RBFOX1: variants seen among roughly 807,000 people sequenced by gnomAD.
The protein encoded by RBFOX1 is RNA binding fox-1 homolog 1, also known as RNA binding protein fox-1 homolog 1.
In RBFOX1, 8 loss-of-function variants were observed where a neutral mutation model predicts 57.7. That is an observed-to-expected ratio of 0.14 (90% CI 0.08 to 0.25). The LOEUF (loss-of-function observed/expected upper bound fraction) is 0.25. RBFOX1 is among the 10% of genes least tolerant of loss of function. The probability of loss-of-function intolerance (pLI) is 1.00; values close to 1 mark genes in which losing one functional copy is unlikely to be tolerated. For synonymous variants in RBFOX1, 326 were observed against 222.4 expected (o/e 1.47, Z -4.15); for missense variants, 611 against 548.5 (o/e 1.11, Z -1.14).
chr16:6,945,525 G>A (rs1445810227), intron 3 of RBFOX1, among the ~76,000 whole-genome samples: 1 of 151,556 alleles, frequency 6.6e-6, no homozygotes, highest in Non-Finnish European at 1.5e-5. Flanking sequence ...AACACTACCT[G>A]ACCATGTAAA....
At chr16:7,661,284 TG>T (rs34036479) in intron 12 of RBFOX1, among the ~76,000 whole-genome samples, 1 of 152,224 alleles carries the variant, frequency 6.6e-6, no homozygotes, top group Non-Finnish European at 1.5e-5. Flanking sequence ...CCCTTCATGA[TG>T]GGGTTTATAA....
At chr16:5,722,682 C>G (rs1434555273) in intron 3 of RBFOX1, among the ~76,000 whole-genome samples, 1 of 152,146 alleles carries the variant, frequency 6.6e-6, no homozygotes, top group Non-Finnish European at 1.5e-5. Context: ...TGGTTGAGGA[C>G]TTTCTCAAAC....
chr16:5,745,795 T>C (rs1022348524), intron 3 of RBFOX1, among the ~76,000 whole-genome samples: 1 of 152,242 alleles, frequency 6.6e-6, no homozygotes. Flanking sequence ...GGTTGTTTTT[T>C]TCTTGTAAAT....
At chr16:6,841,280 G>A (rs1179086756) in intron 3 of RBFOX1, among the ~76,000 whole-genome samples, 2 of 152,116 alleles carry the variant, frequency 1.3e-5, no homozygotes, top group South Asian at 4.1e-4. Flanking sequence ...TCCTTGCGAG[G>A]TTTGATAAGG....
rs766157390 is a variant in RBFOX1, at chr16:7,713,119, G to A, written c.*2374G>A. The A allele has an allele frequency of 6.6e-6, 1 of 152,056 alleles. No individual in the cohort carries two copies. The highest frequency in any genetic ancestry group is 2.4e-5 in the African/African-American group (1 of 41,364). 9.4% of individuals were successfully genotyped at this position (152,056 alleles called of 1,614,324 possible). A position where few individuals can be genotyped will look rare whatever the true frequency, so the allele number is the denominator to read the frequency against. ...TTTTTAAACAGTATTTATTTGGAAT[G>A]TTTTCATTTATCTAAATAACTATTG... is the stretch of plus-strand genomic sequence containing the variant. On this transcript the variant is annotated 3_prime_UTR_variant, in exon 16 of 16. Coordinates refer to ENST00000550418, the MANE Select transcript of RBFOX1 (RefSeq NM_018723.4).
Position 6,871,230 on chromosome 16 carries a change from G to A in RBFOX1, c.-15-180827G>A, listed in dbSNP as rs190778749. Among the ~76,000 whole-genome samples, 280 of 152,260 alleles carry A rather than the reference G, an allele frequency of 1.8e-3. 1 individual carries two copies. The highest frequency in any genetic ancestry group is 5.9e-3 in the African/African-American group (247 of 41,570). On this transcript the variant is annotated intron_variant, in intron 3 of 15. Transcript: ENST00000550418. Reference sequence around the variant, plus strand: ...AGATGGAGTGTTGCTCTGTCCCCCAGGCTGGAGTGCATTGGCATGATCTCG... The same window carrying A: ...AGATGGAGTGTTGCTCTGTCCCCCAAGCTGGAGTGCATTGGCATGATCTCG...
intron 3 of RBFOX1, among the ~76,000 whole-genome samples, chr16:5,836,503 G>A (rs2056461530): frequency 6.6e-6 from 1 of 152,118 alleles, no homozygotes; most frequent in Non-Finnish European, 1.5e-5. Flanking sequence ...TTCTTTAGGA[G>A]CCATCCTCCA....
At chr16:6,415,271 G>T (rs762361768) in intron 2 of RBFOX1, among the ~76,000 whole-genome samples, 3 of 149,412 alleles carry the variant, frequency 2.0e-5, no homozygotes, top group Non-Finnish European at 4.4e-5. Flanking sequence ...AAAAAATAGC[G>T]TTCAGGTTGA....
At chr16:7,086,467 CCT>C (rs1191951082) in intron 4 of RBFOX1, among the ~76,000 whole-genome samples, 2 of 152,084 alleles carry the variant, frequency 1.3e-5, no homozygotes, top group African/African-American at 4.8e-5. Flanking sequence ...CATTCCCCAT[CCT>C]CTCATTCATG....
intron 3 of RBFOX1, among the ~76,000 whole-genome samples, chr16:7,016,404 T>C (rs182496494): frequency 6.6e-6 from 1 of 152,316 alleles, no homozygotes; most frequent in African/African-American, 2.4e-5. Context: ...AACAAGGCAC[T>C]GAACTTAAAT....
intron 3 of RBFOX1, among the ~76,000 whole-genome samples, chr16:6,916,114 A>G (rs1478044193): frequency 6.6e-6 from 1 of 152,180 alleles, no homozygotes; most frequent in Non-Finnish European, 1.5e-5. Context: ...CGCTGTGTAC[A>G]AGACAACTGA....
intron 5 of RBFOX1, among the ~76,000 whole-genome samples, chr16:7,556,220 G>A (rs1005327223): frequency 1.1e-4 from 17 of 152,190 alleles, no homozygotes; most frequent in African/African-American, 2.9e-4. Flanking sequence ...ACAACATGAC[G>A]CAGCTCTTCG....
chr16:7,150,213 C>G lies in RBFOX1; in HGVS notation c.27+98115C>G, dbSNP rs924968252. On this transcript the variant is annotated intron_variant, in intron 4 of 15. Transcript: ENST00000550418. ...AAGGACAAAAAATATGTTTTATTTACCTATTGGCTGGCAACCATTTAAATG... is the reference window on the plus strand; with the variant it reads ...AAGGACAAAAAATATGTTTTATTTAGCTATTGGCTGGCAACCATTTAAATG... 6.6e-5 allele frequency among the ~76,000 whole-genome samples: 10 copies of G among 152,162 alleles called. 1 individual carries two copies. The highest frequency in any genetic ancestry group is 1.7e-4 in the African/African-American group (7 of 41,442).
chr16:5,300,476 C>G (rs2103295), intron 1 of RBFOX1, among the ~76,000 whole-genome samples: 24 of 151,800 alleles, frequency 1.6e-4, no homozygotes, highest in African/African-American at 5.8e-4. Flanking sequence ...ATTCTTCTAA[C>G]GCACCACCAC....
intron 2 of RBFOX1, among the ~76,000 whole-genome samples, chr16:6,372,890 G>A (rs1169946241): frequency 6.6e-6 from 1 of 151,452 alleles, no homozygotes; most frequent in African/African-American, 2.4e-5. Flanking sequence ...TGATGGAAGA[G>A]TATAGTTGGA....
chr16:5,840,253 T>C (rs1182988604), intron 3 of RBFOX1, among the ~76,000 whole-genome samples: 1 of 152,198 alleles, frequency 6.6e-6, no homozygotes, highest in African/African-American at 2.4e-5. Context: ...TTGCTTCCCC[T>C]ATGTCCTGAC....
intron 4 of RBFOX1, among the ~76,000 whole-genome samples, chr16:7,171,671 G>GT (rs2080728866): frequency 6.6e-6 from 1 of 152,162 alleles, no homozygotes; most frequent in Non-Finnish European, 1.5e-5. Context: ...AAGGGCCATT[G>GT]CAAATGGATT....
chr16:6,777,175 C>G (rs1276238426), intron 3 of RBFOX1, among the ~76,000 whole-genome samples: 1 of 150,236 alleles, frequency 6.7e-6, no homozygotes, highest in South Asian at 2.1e-4. Flanking sequence ...AGGGTATTTT[C>G]TGAGCTTTAG....
chr16:7,429,097 C>T (rs958155974), intron 4 of RBFOX1, among the ~76,000 whole-genome samples: 3 of 152,178 alleles, frequency 2.0e-5, no homozygotes, highest in Admixed American at 1.3e-4. Flanking sequence ...GACCCGACTC[C>T]AGAGCTGGTG....
Sources: gnomAD v4.1 joint callset for allele counts (sites outside exome capture counted in the v4.1 genomes callset) on GRCh38, gnomAD v4.1.1 for gene constraint, MANE v1.5 for transcripts, NCBI Gene and HGNC (gene_info 2026-07-23, HGNC 2026-07-21) for gene names.